The following GLIS3 variants were observed in gnomAD, a reference collection of about 807,000 sequenced individuals.
GLIS3 encodes the protein GLIS family zinc finger 3, also known as zinc finger protein GLIS3.
GLIS3 carries 53 observed loss-of-function variants against 78.6 expected under a neutral mutation model. That is an observed-to-expected ratio of 0.67 (90% confidence interval 0.54 to 0.85). The LOEUF is 0.85. GLIS3 is among the 40% of genes least tolerant of loss of function. GLIS3 has a pLI of 0.00. For missense variants in GLIS3, 1,703 were observed against 1,231.1 expected (o/e 1.38, Z -5.74); for synonymous variants, 684 against 509.9 (o/e 1.34, Z -4.60).
intron 7 of GLIS3, among the ~76,000 whole-genome samples, chr9:3,882,453 G>C (rs1257738875): frequency 1.3e-5 from 2 of 152,344 alleles, no homozygotes; most frequent in South Asian, 2.1e-4. Context: ...CAGTTGAGGA[G>C]AGGTGCTACC....
chr9:3,984,798 C>T lies in GLIS3; in HGVS notation c.1711-47609G>A, dbSNP rs534302508. On this transcript the variant is annotated intron_variant, in intron 4 of 10. Coordinates refer to ENST00000381971, the MANE Select transcript of GLIS3 (RefSeq NM_001042413.2). ...ATTCCCACATGTTTCAGGAGGAACC[C>T]AGTGGGAAGTGATTGAATTGTGGGG... Among the ~76,000 whole-genome samples the T allele has an allele frequency of 5.7e-4, 86 of 152,194 alleles. 2 individuals carry two copies. In the South Asian group the frequency reaches 0.016, roughly 29 times the overall value.
chr9:3,898,003 C>T (rs1822985207), intron 7 of GLIS3, among the ~76,000 whole-genome samples: 1 of 152,066 alleles, frequency 6.6e-6, no homozygotes, highest in Non-Finnish European at 1.5e-5. Flanking sequence ...AGGACAATCA[C>T]TAATTATGTT....
chr9:3,953,984 C>G (rs1816915035), intron 4 of GLIS3, among the ~76,000 whole-genome samples: 1 of 151,940 alleles, frequency 6.6e-6, no homozygotes, highest in Non-Finnish European at 1.5e-5. Flanking sequence ...ACGTTTTTTT[C>G]CCTTTTTTCT....
chr9:4,423,460 C>A, the GLIS3 span, among the ~76,000 whole-genome samples: 2 of 152,092 alleles, frequency 1.3e-5, no homozygotes, highest in Non-Finnish European at 1.5e-5. Flanking sequence ...CTCCCCCAGA[C>A]CTTTAGAAAA....
intron 2 of GLIS3, among the ~76,000 whole-genome samples, chr9:4,270,803 T>C (rs982044817): frequency 6.6e-6 from 1 of 152,208 alleles, no homozygotes; most frequent in African/African-American, 2.4e-5. Context: ...TCCAGCTTGC[T>C]GACTGCAGAT....
intron 2 of GLIS3, among the ~76,000 whole-genome samples, chr9:4,256,555 T>C (rs1824960477): frequency 6.6e-6 from 1 of 152,208 alleles, no homozygotes; most frequent in Admixed American, 6.5e-5. Context: ...ATGATCTTTC[T>C]GAATGGTAAG....
chr9:4,294,458 A>C (rs1816304846), intron 1 of GLIS3, among the ~76,000 whole-genome samples: 1 of 152,168 alleles, frequency 6.6e-6, no homozygotes, highest in Non-Finnish European at 1.5e-5. Flanking sequence ...GCAGTAAGCC[A>C]AGATCACACC....
intron 2 of GLIS3, among the ~76,000 whole-genome samples, chr9:4,172,047 T>C (rs1816419479): frequency 6.6e-6 from 1 of 152,202 alleles, no homozygotes. Context: ...TCTCTTTTTG[T>C]AAAGTGCCTC....
At chr9:3,892,098 C>T (rs1822494611) in intron 7 of GLIS3, among the ~76,000 whole-genome samples, 1 of 152,010 alleles carries the variant, frequency 6.6e-6, no homozygotes, top group African/African-American at 2.4e-5. Context: ...GTAGAAACGC[C>T]AGGGTAAGAC....
chr9:4,352,002 T>C (rs1251643291), upstream of GLIS3, among the ~76,000 whole-genome samples: 1 of 152,226 alleles, frequency 6.6e-6, no homozygotes, highest in Non-Finnish European at 1.5e-5. Flanking sequence ...GGTTAAAAAG[T>C]AAATAAGCAA....
At chr9:4,452,216 A>T in the GLIS3 span, among the ~76,000 whole-genome samples, 1 of 152,336 alleles carries the variant, frequency 6.6e-6, no homozygotes, top group Admixed American at 6.5e-5. Flanking sequence ...AGCCAATATC[A>T]TACTGAATGG....
At chr9:4,229,334 T>C (rs1480482300) in intron 2 of GLIS3, among the ~76,000 whole-genome samples, 4 of 152,244 alleles carry the variant, frequency 2.6e-5, no homozygotes, top group Non-Finnish European at 5.9e-5. Context: ...TAAATACTAA[T>C]TTTGAAAACA....
intron 4 of GLIS3, among the ~76,000 whole-genome samples, chr9:4,032,487 T>A (rs1316207509): frequency 6.6e-6 from 1 of 152,120 alleles, no homozygotes; most frequent in Admixed American, 6.5e-5. Flanking sequence ...ATCTTATTTT[T>A]AAAAGAAGTT....
At chr9:3,863,183 G>C (rs1036785789) in intron 8 of GLIS3, among the ~76,000 whole-genome samples, 1 of 152,120 alleles carries the variant, frequency 6.6e-6, no homozygotes, top group Admixed American at 6.5e-5. Context: ...TCTTTATAAC[G>C]ATTTATGAAT....
At chr9:3,952,757 T>C (rs1215494763) in intron 4 of GLIS3, among the ~76,000 whole-genome samples, 1 of 152,166 alleles carries the variant, frequency 6.6e-6, no homozygotes, top group African/African-American at 2.4e-5. Flanking sequence ...ACAGTGCTTC[T>C]TGCACTTTAA....
intron 2 of GLIS3, among the ~76,000 whole-genome samples, chr9:4,137,282 C>T (rs1833472086): frequency 6.6e-6 from 1 of 152,256 alleles, no homozygotes; most frequent in Non-Finnish European, 1.5e-5. Flanking sequence ...GGGAGATTCG[C>T]ATGAATCATG....
At position 4,281,174 on chromosome 9, in the gene GLIS3, A is replaced by T. The variant is rs549728735; in HGVS notation, c.388+4864T>A. 9.2e-5 allele frequency among the ~76,000 whole-genome samples: 14 copies of T among 152,350 alleles called. No homozygotes were observed. The East Asian group carries it at 1.5e-3, about 17-fold the overall frequency. ...CAAATACTAATGGGATGTGTGTTAA[A>T]TTGTGCACTCTAGTGTTTCTCAAAT... is the stretch of plus-strand genomic sequence containing the variant. On this transcript the variant is annotated intron_variant, in intron 2 of 10. Transcript: ENST00000381971.
intron 2 of GLIS3, among the ~76,000 whole-genome samples, chr9:4,218,514 G>A (rs939729679): frequency 2.8e-4 from 42 of 152,242 alleles, no homozygotes; most frequent in African/African-American, 8.9e-4. Context: ...TCTTGACCTC[G>A]TGATCTGCCT....
chr9:3,848,556 A>G (rs901119521), intron 9 of GLIS3, among the ~76,000 whole-genome samples: 1 of 152,214 alleles, frequency 6.6e-6, no homozygotes, highest in Non-Finnish European at 1.5e-5. Flanking sequence ...ATTTAACACT[A>G]TAAATTGGCA....
Sources: allele counts gnomAD v4.1 joint callset (sites outside exome capture counted in the v4.1 genomes callset), GRCh38; gene constraint gnomAD v4.1.1; transcripts MANE v1.5; gene names NCBI Gene and HGNC (gene_info 2026-07-23, HGNC 2026-07-21).